Variants in BAIAP3 observed in about 807,000 individuals in gnomAD.
The protein encoded by BAIAP3 is BAI1 associated protein 3.
A neutral mutation model predicts 149.7 loss-of-function variants in BAIAP3; 180 were observed. The observed-to-expected ratio is 1.20, with a 90% confidence interval of 1.07 to 1.36. The LOEUF is 1.36. Among genes scored for constraint, BAIAP3 ranks in the 40% most tolerant of loss-of-function variants. BAIAP3 has a pLI of 0.00. For synonymous variants in BAIAP3, 845 were observed against 670.7 expected (o/e 1.26, Z -4.02); for missense variants, 1,767 against 1,563.4 (o/e 1.13, Z -2.20).
chr16:1,344,384 C>A, intron 17 of BAIAP3, 67 bp downstream of exon 17: 1 of 1,609,540 alleles, frequency 6.2e-7, no homozygotes. Context: ...CCTTCCCGTC[C>A]CCTGCACCTC....
rs535526574 is a variant in BAIAP3, at chr16:1,341,577, A to G, written c.731+88A>G. On this transcript the variant is annotated intron_variant, in intron 8 of 33. Coordinates refer to ENST00000426824, the MANE Select transcript of BAIAP3 (RefSeq NM_001199097.2). ...TGCCTGGAGGGTGGTGGCTCGCAGC[A>G]GCTCCCGGTCTCTTTGGGGCCGTGT... is the stretch of plus-strand genomic sequence containing the variant. 1.9e-4 allele frequency: 287 copies of G among 1,477,978 alleles called. 1 individual carries two copies. In the African/African-American group the frequency reaches 3.7e-3, roughly 19 times the overall value. The allele number at this position is 1,477,978 out of a possible 1,614,324, so 91.6% of individuals were successfully genotyped here. A position where few individuals can be genotyped will look rare whatever the true frequency, so the allele number is the denominator to read the frequency against.
chr16:1,342,367 G>A (rs2141590444), intron 11 of BAIAP3, 84 bp downstream of exon 11: 1 of 1,469,178 alleles, frequency 6.8e-7, no homozygotes. Context: ...GGCACTGCCT[G>A]GAGAAGCTCC....
chr16:1,342,732 TGAGCCAGCGCGG>T lies in BAIAP3; in HGVS notation c.1081_1092del (p.Ser361_Gly364del). ...TCTGCGTTGCAGAGGGATACGGCCA[TGAGCCAGCGCGG>T]GCGATCCGGCTTCCTGTCCCACCTG... On this transcript the variant is annotated inframe_deletion, in exon 13 of 34. Transcript: ENST00000426824. 6.2e-7 allele frequency: 1 copy of T among 1,612,512 alleles called. No individual in the cohort carries two copies. Among genetic ancestry groups the T allele is most frequent in the Non-Finnish European group, 8.5e-7 (1 of 1,179,994 alleles).
intron 22 of BAIAP3, 118 bp downstream of exon 22, chr16:1,345,490 C>T: frequency 7.9e-7 from 1 of 1,260,874 alleles, no homozygotes; most frequent in Non-Finnish European, 1.1e-6. Flanking sequence ...CCCCAGCCTC[C>T]CCCTCAACCC....
chr16:1,342,416 T>G, intron 11 of BAIAP3, 111 bp from the exon 12 acceptor site: 1 of 1,355,688 alleles, frequency 7.4e-7, no homozygotes, highest in Non-Finnish European at 1.0e-6. Context: ...GTCACCCTCA[T>G]TCCCCGGAGA....
intron 1 of BAIAP3, chr16:1,336,134 G>T (rs1413894824): frequency 5.1e-5 from 44 of 869,648 alleles, no homozygotes; most frequent in Non-Finnish European, 5.9e-5. Context: ...AGCCCCCATC[G>T]CCCCTGTCAC....
chr16:1,334,636 A>T, intron 1 of BAIAP3: 1 of 1,542,220 alleles, frequency 6.5e-7, no homozygotes, highest in African/African-American at 1.4e-5. Context: ...GCTTGTTAGA[A>T]TGCAGATTCC....
Position 1,339,004 on chromosome 16 carries a change from C to G in BAIAP3, c.219+15C>G, listed in dbSNP as rs761063151. On this transcript the variant is annotated intron_variant, in intron 3 of 33. Transcript: ENST00000426824. ...CGTGCCTCGAGGTAAGGGTGCCACC[C>G]CCAGGGCCCGATACCACAGCCCAGC... 1 of 1,612,270 alleles carries G rather than the reference C, an allele frequency of 6.2e-7. No individual in the cohort carries two copies. The highest frequency in any genetic ancestry group is 1.3e-5 in the African/African-American group (1 of 74,902).
Position 1,346,336 on chromosome 16 carries a change from C to G in BAIAP3, c.2468C>G (p.Thr823Arg). Residue 823 changes from threonine to arginine, a missense_variant, in exon 25 of 34, where the codon ACG (threonine) becomes AGG (arginine). Coordinates refer to ENST00000426824, the MANE Select transcript of BAIAP3 (RefSeq NM_001199097.2). ...LDDDLQREAHTVTAHLTSKMV... is the reference protein window; with the variant it reads ...LDDDLQREAHRVTAHLTSKMV... ...GATGATCTGCAACGGGAGGCCCACA[C>G]GGTGACAGCGCACCTGACCTCTAAG... is the stretch of plus-strand genomic sequence containing the variant. 1 of 1,604,358 alleles carries G rather than the reference C, an allele frequency of 6.2e-7. No individual in the cohort carries two copies. Among genetic ancestry groups the G allele is most frequent in the Non-Finnish European group, 8.5e-7 (1 of 1,173,334 alleles).
chr16:1,334,571 C>CGGCTG, intron 1 of BAIAP3: 1 of 1,263,230 alleles, frequency 7.9e-7, no homozygotes, highest in Non-Finnish European at 1.1e-6. Context: ...TGGGCGCCAG[C>CGGCTG]GGCTGGACCT....
At position 1,345,330 on chromosome 16, in the gene BAIAP3, C is replaced by G; in HGVS notation, c.2022C>G (p.Asp674Glu). Residue 674 changes from aspartate (D) to glutamate (E), a missense_variant, in exon 22 of 34, where the codon GAC becomes GAG. Physicochemically the swap from Asp to Glu is conservative, Grantham distance 45. Transcript: ENST00000426824. ...AGCTCTGGTTCCAAGTGCTGAGGGACCAGGCCAAGTGGAGGCTTCAGGGAG... is the reference window on the plus strand; with the variant it reads ...AGCTCTGGTTCCAAGTGCTGAGGGAGCAGGCCAAGTGGAGGCTTCAGGGAG... The part of the protein sequence containing the change: ...AVKLWFQVLR[D>E]QAKWRLQGAV... 2.5e-6 allele frequency: 4 copies of G among 1,613,050 alleles called. No homozygotes were observed. The highest frequency in any genetic ancestry group is 3.4e-6 in the Non-Finnish European group (4 of 1,179,902).
At position 1,340,798 on chromosome 16, in the gene BAIAP3, C is replaced by A; in HGVS notation, c.409-124C>A. 17 of 1,057,436 alleles carry A rather than the reference C, an allele frequency of 1.6e-5. No individual in the cohort carries two copies. The South Asian group carries it at 2.3e-4, about 14-fold the overall frequency. The allele number at this position is 1,057,436 out of a possible 1,614,324, so 65.5% of individuals were successfully genotyped here. A position where few individuals can be genotyped will look rare whatever the true frequency, so the allele number is the denominator to read the frequency against. ...CTGCCGCTGCCTCCCAGGCTTCCCC[C>A]AACCCTGCACCCGTGAGGACTGAGG... On this transcript the variant is annotated intron_variant, in intron 5 of 33. Transcript: ENST00000426824.
chr16:1,344,265 A>G lies in BAIAP3; in HGVS notation c.1550A>G (p.Glu517Gly). The G allele has an allele frequency of 6.2e-7, 1 of 1,613,746 alleles. No homozygotes were observed. Among genetic ancestry groups the G allele is most frequent in the Non-Finnish European group, 8.5e-7 (1 of 1,179,984 alleles). The change falls in exon 17 of 34, where the codon GAG becomes GGG. Residue 517 changes from glutamate to glycine, a missense_variant. By Grantham distance (98) the Glu-to-Gly change is moderately conservative. Coordinates refer to ENST00000426824, the MANE Select transcript of BAIAP3 (RefSeq NM_001199097.2). ...CTGCAGCTCTTCCAACCCTCCTTTG[A>G]GATCTGCCCCTTCGAGTCGGAGCTG... ...GKLQLFQPSF[E>G]ICPFESELNM...
chr16:1,342,394 C>A, intron 11 of BAIAP3, 111 bp downstream of exon 11: 2 of 1,381,484 alleles, frequency 1.4e-6, no homozygotes, highest in Non-Finnish European at 1.0e-6. Context: ...TGGGCCTCCA[C>A]TGAGTGCGCT....
In BAIAP3 at chr16:1,342,177, C is replaced by T; in HGVS notation, c.855-4C>T. Reference sequence around the variant, plus strand: ...GCGTGATGCTCACCACCTGTGGTGGCCAGGTACTTCAAACAGATCGTCAAG... The same window carrying T: ...GCGTGATGCTCACCACCTGTGGTGGTCAGGTACTTCAAACAGATCGTCAAG... On this transcript the variant is annotated splice_polypyrimidine_tract_variant and splice_region_variant and intron_variant, in intron 10 of 33. Coordinates refer to ENST00000426824, the MANE Select transcript of BAIAP3 (RefSeq NM_001199097.2). 1.3e-6 allele frequency: 2 copies of T among 1,596,596 alleles called. No individual in the cohort carries two copies. Among genetic ancestry groups the T allele is most frequent in the Non-Finnish European group, 1.7e-6 (2 of 1,168,740 alleles).
chr16:1,338,671 C>T lies in BAIAP3; in HGVS notation c.122C>T (p.Thr41Met), dbSNP rs116106398. The T allele has an allele frequency of 2.7e-3, 4,225 of 1,582,006 alleles. 15 individuals carry two copies. Among genetic ancestry groups the T allele is most frequent in the Middle Eastern group, 0.015 (71 of 4,876 alleles). ...SASADPQEPATGAWKPGDGVE... is the reference protein window; with the variant it reads ...SASADPQEPAMGAWKPGDGVE... ...AGCGCCGACCCGCAGGAGCCTGCCA[C>T]GGGGGCCTGGTGGGTGCCGAGGGGC... is the stretch of plus-strand genomic sequence containing the variant. The change falls in exon 2 of 34, where the codon ACG becomes ATG. Residue 41 changes from threonine to methionine, a missense_variant. Physicochemically the swap from Thr to Met is moderately conservative, Grantham distance 81. Coordinates refer to ENST00000426824, the MANE Select transcript of BAIAP3 (RefSeq NM_001199097.2).
Position 1,348,435 on chromosome 16 carries a change from G to A in BAIAP3, c.3412G>A (p.Val1138Met), listed in dbSNP as rs766680413. The A allele has an allele frequency of 2.1e-5, 34 of 1,612,654 alleles. No homozygotes were observed. Among genetic ancestry groups the A allele is most frequent in the African/African-American group, 5.3e-5 (4 of 75,050 alleles). ...CACCAGCAAGGAGGCGCAGGAGTTC[G>A]TGAAGAAACTCAAGGAGCTGGAGAA... ...GRTSKEAQEFVKKLKELEKCM... is the reference protein window; with the variant it reads ...GRTSKEAQEFMKKLKELEKCM... The change falls in exon 34 of 34, where the codon GTG becomes ATG. Residue 1138 changes from valine to methionine, a missense_variant. Physicochemically the swap from Val to Met is conservative, Grantham distance 21. Transcript: ENST00000426824.
intron 1 of BAIAP3, 75 bp from the exon 2 acceptor site, chr16:1,338,465 C>G: frequency 1.0e-5 from 3 of 292,448 alleles, no homozygotes; most frequent in Non-Finnish European, 1.7e-5. Context: ...CCCACCCCCC[C>G]ACCCCCCCGC....
In BAIAP3 at chr16:1,333,731, A is replaced by C. The variant is rs2033280323; in HGVS notation, c.-29A>C. On this transcript the variant is annotated 5_prime_UTR_variant, in exon 1 of 34. Coordinates refer to ENST00000426824, the MANE Select transcript of BAIAP3 (RefSeq NM_001199097.2). ...AGCGCAGCGCCCCAGGAGCCCCCCC[A>C]TCCCCGCGCCGGCCCACGGTAAGTG... The C allele has an allele frequency of 6.7e-6, 1 of 148,824 alleles. No individual in the cohort carries two copies. Among genetic ancestry groups the C allele is most frequent in the Non-Finnish European group, 1.5e-5 (1 of 67,102 alleles). The allele number at this position is 148,824 out of a possible 1,614,324, so 9.2% of individuals were successfully genotyped here.
Sources: allele counts gnomAD v4.1 joint callset, GRCh38; gene constraint gnomAD v4.1.1; transcripts MANE v1.5; gene names NCBI Gene and HGNC (gene_info 2026-07-23, HGNC 2026-07-21).